GK2: variants seen among roughly 807,000 people sequenced by gnomAD.
GK2 encodes glycerol kinase 2.
In GK2, 10 loss-of-function variants were observed where a neutral mutation model predicts 9.5. The observed-to-expected ratio is 1.05, with a 90% confidence interval of 0.65 to 1.78. The LOEUF is 1.78. Among genes scored for constraint, GK2 ranks in the 40% most tolerant of loss-of-function variants. The pLI is 0.00. For synonymous variants in GK2, 228 were observed against 229.9 expected, an observed-to-expected ratio of 0.99 and a Z score of 0.07; for missense variants, 643 against 669.0, an observed-to-expected ratio of 0.96 and a Z score of 0.43.
rs780805996 is a variant in GK2, at chr4:79,408,020, G to A, written c.181C>T (p.Leu61Phe). ...GWVEQDPKEILQSVYECIART... is the reference protein window; with the variant it reads ...GWVEQDPKEIFQSVYECIART... ...GCTATACACTCGTAGACAGACTGAA[G>A]AATTTCTTTAGGGTCTTGTTCCACC... The change falls in exon 1 of 1, where the codon CTT becomes TTT. Residue 61 changes from leucine to phenylalanine, a missense_variant. Transcript: ENST00000358842. 33 of 1,614,030 alleles carry A rather than the reference G, an allele frequency of 2.0e-5. No homozygotes were observed. Among genetic ancestry groups the A allele is most frequent in the Non-Finnish European group, 2.5e-5 (30 of 1,180,006 alleles).
rs779988710 is a variant in GK2, at chr4:79,407,669, T to G, written c.532A>C (p.Ile178Leu). ...AAACTCCAGATAAGCCATGAATCAA[T>G]GGTACCAAAAAGAGCTCTACCTTCT... The part of the protein sequence containing the change: ...VEEGRALFGT[I>L]DSWLIWSLTG... The change falls in exon 1 of 1, where the codon ATT becomes CTT. Residue 178 changes from isoleucine to leucine, a missense_variant. Coordinates refer to ENST00000358842, the MANE Select transcript of GK2 (RefSeq NM_033214.3). 2 of 1,614,248 alleles carry G rather than the reference T, an allele frequency of 1.2e-6. No homozygotes were observed. The highest frequency in any genetic ancestry group is 3.3e-5 in the Admixed American group (2 of 60,032).
At position 79,406,838 on chromosome 4, in the gene GK2, T is replaced by C; in HGVS notation, c.1363A>G (p.Thr455Ala). 6.2e-7 allele frequency: 1 copy of C among 1,614,196 alleles called. No individual in the cohort carries two copies. The highest frequency in any genetic ancestry group is 8.5e-7 in the Non-Finnish European group (1 of 1,180,026). The change falls in exon 1 of 1, where the codon ACT becomes GCT. Residue 455 changes from threonine to alanine, a missense_variant. Coordinates refer to ENST00000358842, the MANE Select transcript of GK2 (RefSeq NM_033214.3). The part of the protein sequence containing the change: ...PVIKPFMPET[T>A]ALGAAMAAGA... Reference sequence around the variant, plus strand: ...GCTGCCATGGCAGCTCCTAGTGCAGTTGTTTCAGGCATAAAGGGTTTTATT... The same window carrying C: ...GCTGCCATGGCAGCTCCTAGTGCAGCTGTTTCAGGCATAAAGGGTTTTATT...
rs1263294534 is a variant in GK2 at position 79,407,116 on chromosome 4, G to A, written c.1085C>T (p.Pro362Leu). 1 of 1,614,080 alleles carries A rather than the reference G, an allele frequency of 6.2e-7. No individual in the cohort carries two copies. Among genetic ancestry groups the A allele is most frequent in the South Asian group, 1.1e-5 (1 of 91,072 alleles). Residue 362 changes from proline to leucine, a missense_variant, in exon 1 of 1, where the codon CCA becomes CTA. Coordinates refer to ENST00000358842, the MANE Select transcript of GK2 (RefSeq NM_033214.3). ...VGTSYGCYFV[P>L]AFSGLYAPYW... Reference sequence around the variant, plus strand: ...AGGTGCATATAACCCTGAAAAGGCTGGGACAAAGTAACAGCCATAAGAAGT... The same window carrying A: ...AGGTGCATATAACCCTGAAAAGGCTAGGACAAAGTAACAGCCATAAGAAGT...
rs1446440861 is a variant in GK2 at position 79,407,661 on chromosome 4, T to C, written c.540A>G (p.Ser180=). 11 of 1,614,114 alleles carry C rather than the reference T, an allele frequency of 6.8e-6. No homozygotes were observed. The Admixed American group carries it at 1.8e-4, about 27-fold the overall frequency. ...EGRALFGTID[S]WLIWSLTGGV... is the part of the protein sequence containing the mutation. ...CTCCTGTCAAACTCCAGATAAGCCA[T>C]GAATCAATGGTACCAAAAAGAGCTC... Residue 180 remains serine (S), a synonymous_variant, in exon 1 of 1, where the codon TCA becomes TCG. Coordinates refer to ENST00000358842, the MANE Select transcript of GK2 (RefSeq NM_033214.3).
Position 79,408,005 on chromosome 4 carries a change from C to G in GK2, c.196G>C (p.Glu66Gln). 6.2e-7 allele frequency: 1 copy of G among 1,614,080 alleles called. No homozygotes were observed. Among genetic ancestry groups the G allele is most frequent in the Non-Finnish European group, 8.5e-7 (1 of 1,179,970 alleles). Residue 66 changes from glutamate to glutamine, a missense_variant, in exon 1 of 1, where the codon GAG becomes CAG. Physicochemically the swap from Glu to Gln is conservative, Grantham distance 29. Transcript: ENST00000358842. ...TTCTCACACGTTCTCGCTATACACTCGTAGACAGACTGAAGAATTTCTTTA... is the reference window on the plus strand; with the variant it reads ...TTCTCACACGTTCTCGCTATACACTGGTAGACAGACTGAAGAATTTCTTTA... ...DPKEILQSVY[E>Q]CIARTCEKLD...
At position 79,406,512 on chromosome 4, in the gene GK2, C is replaced by T. The variant is rs1052314; in HGVS notation, c.*27G>A. ...ATGCTTTCATTATGTAAAATGTTTA[C>T]ATCTTGGGACTCCATAGCTGGTATT... On this transcript the variant is annotated 3_prime_UTR_variant, in exon 1 of 1. Coordinates refer to ENST00000358842, the MANE Select transcript of GK2 (RefSeq NM_033214.3). The T allele has an allele frequency of 7.5e-7, 1 of 1,326,254 alleles. No homozygotes were observed. The highest frequency in any genetic ancestry group is 1.1e-6 in the Non-Finnish European group (1 of 929,060). The allele number at this position is 1,326,254 out of a possible 1,614,324, so 82.2% of individuals were successfully genotyped here.
rs371517980 is a variant in GK2, at chr4:79,407,711, C to G, written c.490G>C (p.Val164Leu). Reference sequence around the variant, plus strand: ...CTACCTTCTTCAACAGCCTTTTGGACGTTTCTCACATTGTCAAGCATCCAA... The same window carrying G: ...CTACCTTCTTCAACAGCCTTTTGGAGGTTTCTCACATTGTCAAGCATCCAA... ...LRWMLDNVRN[V>L]QKAVEEGRAL... Residue 164 changes from valine (V) to leucine (L), a missense_variant, in exon 1 of 1, where the codon GTC becomes CTC. Coordinates refer to ENST00000358842, the MANE Select transcript of GK2 (RefSeq NM_033214.3). 9.9e-6 allele frequency: 16 copies of G among 1,614,168 alleles called. No homozygotes were observed. The highest frequency in any genetic ancestry group is 8.9e-5 in the East Asian group (4 of 44,872).
At position 79,408,155 on chromosome 4, in the gene GK2, C is replaced by A; in HGVS notation, c.46G>T (p.Val16Leu). 6.2e-7 allele frequency: 1 copy of A among 1,610,720 alleles called. No homozygotes were observed. ...CGAGTGGAGTTGGTGCCCTGGACCA[C>A]CGCTCCCACCAACGGCCCCACAGCT... is the stretch of plus-strand genomic sequence containing the variant. ...TAAVGPLVGA[V>L]VQGTNSTRFL... Residue 16 changes from valine (V) to leucine (L), a missense_variant, in exon 1 of 1, where the codon GTG (valine) becomes TTG (leucine). Physicochemically the swap from Val to Leu is conservative, Grantham distance 32. Coordinates refer to ENST00000358842, the MANE Select transcript of GK2 (RefSeq NM_033214.3).
rs200298193 is a variant in GK2, at chr4:79,407,034, T to A, written c.1167A>T (p.Lys389Asn). ...ILCGLTQFTNKCHIAFAALEA... is the reference protein window; with the variant it reads ...ILCGLTQFTNNCHIAFAALEA... ...CTAATGCAGCAAAAGCAATATGACA[T>A]TTATTGGTAAACTGAGTGAGGCCAC... The change falls in exon 1 of 1, where the codon AAA becomes AAT. Residue 389 changes from lysine (K) to asparagine (N), a missense_variant. Lys to Asn is a moderately conservative substitution (Grantham distance 94, BLOSUM62 0). Transcript: ENST00000358842. 168 of 1,614,066 alleles carry A rather than the reference T, an allele frequency of 1.0e-4. No individual in the cohort carries two copies. Among genetic ancestry groups the A allele is most frequent in the Non-Finnish European group, 1.4e-4 (160 of 1,180,034 alleles).
At position 79,407,269 on chromosome 4, in the gene GK2, T is replaced by C. The variant is rs1383216216; in HGVS notation, c.932A>G (p.Glu311Gly). The C allele has an allele frequency of 6.2e-6, 10 of 1,614,194 alleles. No homozygotes were observed. The highest frequency in any genetic ancestry group is 1.3e-5 in the African/African-American group (1 of 75,054). ...LTTVAYKLGR[E>G]KPAYYALEGS... is the part of the protein sequence containing the mutation. ...TTCCAGTGCATAATATGCTGGCTTC[T>C]CTCTGCCTAGTTTGTAAGCTACTGT... Residue 311 changes from glutamate (E) to glycine (G), a missense_variant, in exon 1 of 1, where the codon GAG (glutamate) becomes GGG (glycine). Coordinates refer to ENST00000358842, the MANE Select transcript of GK2 (RefSeq NM_033214.3).
Position 79,406,750 on chromosome 4 carries a change from A to C in GK2, c.1451T>G (p.Met484Arg). 1 of 1,614,200 alleles carries C rather than the reference A, an allele frequency of 6.2e-7. No individual in the cohort carries two copies. The highest frequency in any genetic ancestry group is 1.1e-5 in the South Asian group (1 of 91,078). Residue 484 changes from methionine to arginine, a missense_variant, in exon 1 of 1, where the codon ATG becomes AGG. Physicochemically the swap from Met to Arg is moderately conservative, Grantham distance 91. Transcript: ENST00000358842. ...LEPQALSVLR[M>R]ERFEPQIQAT... ...CTGGATCTGTGGTTCAAATCGTTCC[A>C]TCCTGAGAACTGACAAAGCCTGGGG...
chr4:79,407,002 ACAG>A lies in GK2; in HGVS notation c.1196_1198del (p.Ala399del). 1 of 1,614,250 alleles carries A rather than the reference ACAG, an allele frequency of 6.2e-7. No individual in the cohort carries two copies. On this transcript the variant is annotated inframe_deletion, in exon 1 of 1. Coordinates refer to ENST00000358842, the MANE Select transcript of GK2 (RefSeq NM_033214.3). ...CAAAATCTCTCGGGTTTGGAAACAAACAGCTTCTAATGCAGCAAAAGCAATATG... is the reference window on the plus strand; with the variant it reads ...CAAAATCTCTCGGGTTTGGAAACAAACTTCTAATGCAGCAAAAGCAATATG...
chr4:79,407,041 G>A lies in GK2; in HGVS notation c.1160C>T (p.Thr387Ile). ...AGCAAAAGCAATATGACATTTATTG[G>A]TAAACTGAGTGAGGCCACAGAGTAT... is the stretch of plus-strand genomic sequence containing the variant. ...RGILCGLTQFTNKCHIAFAAL... is the reference protein window; with the variant it reads ...RGILCGLTQFINKCHIAFAAL... The change falls in exon 1 of 1, where the codon ACC becomes ATC. Residue 387 changes from threonine (T) to isoleucine (I), a missense_variant. By Grantham distance (89) the Thr-to-Ile change is moderately conservative. Transcript: ENST00000358842. 17 of 1,614,132 alleles carry A rather than the reference G, an allele frequency of 1.1e-5. No homozygotes were observed. Among genetic ancestry groups the A allele is most frequent in the Non-Finnish European group, 1.4e-5 (17 of 1,180,012 alleles).
chr4:79,407,883 C>T lies in GK2; in HGVS notation c.318G>A (p.Glu106=), dbSNP rs1165907771. Residue 106 remains glutamate (E), a synonymous_variant, in exon 1 of 1, where the codon GAG becomes GAA. Coordinates refer to ENST00000358842, the MANE Select transcript of GK2 (RefSeq NM_033214.3). ...GCCACACCACAGCATTGTAGAGAGG[C>T]TCTCCTGTTAACTTGTCCCAGATTA... ...TTVIWDKLTG[E]PLYNAVVWLD... 1.2e-6 allele frequency: 2 copies of T among 1,614,076 alleles called. No individual in the cohort carries two copies. Among genetic ancestry groups the T allele is most frequent in the Non-Finnish European group, 1.7e-6 (2 of 1,180,022 alleles).
At position 79,407,385 on chromosome 4, in the gene GK2, C is replaced by T. The variant is rs1348487213; in HGVS notation, c.816G>A (p.Glu272=). 2 of 1,614,036 alleles carry T rather than the reference C, an allele frequency of 1.2e-6. No individual in the cohort carries two copies. The highest frequency in any genetic ancestry group is 1.3e-5 in the African/African-American group (1 of 74,922). The change falls in exon 1 of 1, where the codon GAG becomes GAA. Residue 272 remains glutamate (E), a synonymous_variant. Transcript: ENST00000358842. ...AALVGQMCFQ[E]GQAKNTYGTG... ...TTCCATAGGTGTTTTTGGCTTGTCC[C>T]TCCTGGAAGCACATTTGTCCTACTA...
In GK2 at chr4:79,407,046, CTGAG is replaced by C. The variant is rs749086477; in HGVS notation, c.1151_1154del (p.Thr384SerfsTer13). On this transcript the variant is annotated frameshift_variant, in exon 1 of 1. Transcript: ENST00000358842. LOFTEE classifies it low-confidence loss of function (END_TRUNC). ...AAGCAATATGACATTTATTGGTAAACTGAGTGAGGCCACAGAGTATCCCTCTTGC... is the reference window on the plus strand; with the variant it reads ...AAGCAATATGACATTTATTGGTAAACTGAGGCCACAGAGTATCCCTCTTGC... 6.2e-6 allele frequency: 10 copies of C among 1,614,060 alleles called. No individual in the cohort carries two copies. Among genetic ancestry groups the C allele is most frequent in the Non-Finnish European group, 5.9e-6 (7 of 1,180,042 alleles).
chr4:79,407,466 A>C lies in GK2; in HGVS notation c.735T>G (p.Thr245=). ...SSSEIYGLIK[T]GALEGVPISG... ...ATATTGGCACACCTTCCAGGGCTCC[A>C]GTTTTAATTAGGCCATAGATCTCAG... is the stretch of plus-strand genomic sequence containing the variant. The change falls in exon 1 of 1, where the codon ACT becomes ACG. Residue 245 remains threonine (T), a synonymous_variant. Coordinates refer to ENST00000358842, the MANE Select transcript of GK2 (RefSeq NM_033214.3). 6.2e-7 allele frequency: 1 copy of C among 1,614,196 alleles called. No homozygotes were observed. Among genetic ancestry groups the C allele is most frequent in the Non-Finnish European group, 8.5e-7 (1 of 1,180,030 alleles).
At position 79,407,472 on chromosome 4, in the gene GK2, A is replaced by C. The variant is rs754229774; in HGVS notation, c.729T>G (p.Ile243Met). ...VFSSSEIYGL[I>M]KTGALEGVPI... ...GCACACCTTCCAGGGCTCCAGTTTT[A>C]ATTAGGCCATAGATCTCAGAAGAAC... The change falls in exon 1 of 1, where the codon ATT (isoleucine) becomes ATG (methionine). Residue 243 changes from isoleucine (I) to methionine (M), a missense_variant. Transcript: ENST00000358842. 3 of 1,614,030 alleles carry C rather than the reference A, an allele frequency of 1.9e-6. No homozygotes were observed.
In GK2 at chr4:79,407,287, GCT is replaced by G. The variant is rs770593115; in HGVS notation, c.912_913del (p.Ala305LeufsTer41). ...TGGCTTCTCTCTGCCTAGTTTGTAA[GCT>G]ACTGTGGTCAAAAGGCCATGTTCAG... On this transcript the variant is annotated frameshift_variant, in exon 1 of 1. Transcript: ENST00000358842. LOFTEE classifies it high-confidence loss of function. 1 of 1,614,180 alleles carries G rather than the reference GCT, an allele frequency of 6.2e-7. No homozygotes were observed. Among genetic ancestry groups the G allele is most frequent in the Non-Finnish European group, 8.5e-7 (1 of 1,180,030 alleles).
Sources: gnomAD v4.1 joint callset for allele counts on GRCh38, gnomAD v4.1.1 for gene constraint, MANE v1.5 for transcripts, NCBI Gene and HGNC (gene_info 2026-07-23, HGNC 2026-07-21) for gene names.